Variants in MFAP3 observed in about 807,000 individuals in gnomAD.
The protein encoded by MFAP3 is microfibril-associated glycoprotein 3.
In MFAP3, 8 loss-of-function variants were observed where a neutral mutation model predicts 20.5. That is an observed-to-expected ratio of 0.39 (90% CI 0.23 to 0.70). The LOEUF is 0.70. Ranked by LOEUF, MFAP3 falls within the 30% of genes least tolerant of loss-of-function variation. MFAP3 has a pLI of 0.44. For missense variants in MFAP3, 398 were observed against 444.6 expected (o/e 0.90, Z 0.94); for synonymous variants, 140 against 154.0 (o/e 0.91, Z 0.67).
rs186178174 is a variant in MFAP3, at chr5:154,057,422, G to A, written c.*3709G>A. 3.9e-5 allele frequency among the ~76,000 whole-genome samples: 6 copies of A among 151,968 alleles called. No homozygotes were observed. The highest frequency in any genetic ancestry group is 5.9e-5 in the Non-Finnish European group (4 of 68,018). Reference sequence around the variant, plus strand: ...CATACTTGAATATAATTTATTAAACGTTCAATGGAGTATATAGTCTATTTG... The same window carrying A: ...CATACTTGAATATAATTTATTAAACATTCAATGGAGTATATAGTCTATTTG... On this transcript the variant is annotated 3_prime_UTR_variant, in exon 3 of 3. Transcript: ENST00000522782.
In MFAP3 at chr5:154,053,130, G is replaced by A. The variant is rs138462596; in HGVS notation, c.506G>A (p.Arg169Gln). The A allele has an allele frequency of 9.9e-6, 16 of 1,613,782 alleles. No individual in the cohort carries two copies. In the East Asian group the frequency reaches 1.6e-4, roughly 16 times the overall value. The change falls in exon 3 of 3, where the codon CGG (arginine) becomes CAG (glutamine). Residue 169 changes from arginine (R) to glutamine (Q), a missense_variant. By Grantham distance (43) the Arg-to-Gln change is conservative (BLOSUM62 1). Coordinates refer to ENST00000522782, the MANE Select transcript of MFAP3 (RefSeq NM_005927.5). Reference protein sequence around the residue: ...FTITLILNVTRLCMMSSHLRK... With the variant: ...FTITLILNVTQLCMMSSHLRK... ...ATCACACTCATCTTGAATGTCACACGGCTGTGCATGATGAGCAGCCATCTT... is the reference window on the plus strand; with the variant it reads ...ATCACACTCATCTTGAATGTCACACAGCTGTGCATGATGAGCAGCCATCTT...
rs545780539 is a variant in MFAP3 at position 154,049,870 on chromosome 5, C to T, written c.148C>T (p.Leu50Phe). 1 of 1,613,684 alleles carries T rather than the reference C, an allele frequency of 6.2e-7. No homozygotes were observed. Among genetic ancestry groups the T allele is most frequent in the Admixed American group, 1.7e-5 (1 of 59,966 alleles). ...TGCATCCTTTCCCTCAAGCTTTGAA[C>T]TCTCAGCAAGTTCCCACTCGGATGA... ...YNASFPSSFE[L>F]SASSHSDDDV... The change falls in exon 2 of 3, where the codon CTC becomes TTC. Residue 50 changes from leucine to phenylalanine, a missense_variant. Leu to Phe is a conservative substitution (Grantham distance 22, BLOSUM62 0). Transcript: ENST00000522782.
Position 154,053,885 on chromosome 5 carries a change from C to T in MFAP3, c.*172C>T, listed in dbSNP as rs1257195159. ...GTCTTCATTAGAAGGCAGCATTTTT[C>T]CTCTCTGATACTTTTCAGTCATTTT... On this transcript the variant is annotated 3_prime_UTR_variant, in exon 3 of 3. Transcript: ENST00000522782. 9.9e-6 allele frequency: 6 copies of T among 603,546 alleles called. No individual in the cohort carries two copies. Among genetic ancestry groups the T allele is most frequent in the Non-Finnish European group, 1.8e-5 (6 of 338,116 alleles). The allele number at this position is 603,546 out of a possible 1,614,324, so 37.4% of individuals were successfully genotyped here.
chr5:154,043,744 T>TATATA (rs1439381326), intron 1 of MFAP3, among the ~76,000 whole-genome samples: 2 of 100,512 alleles, frequency 2.0e-5, no homozygotes, highest in South Asian at 3.7e-4. Context: ...ATATATATAT[T>TATATA]TTTTTTTCCA....
chr5:154,050,298 G>A (rs1384471602), intron 2 of MFAP3, among the ~76,000 whole-genome samples: 1 of 152,130 alleles, frequency 6.6e-6, no homozygotes, highest in Non-Finnish European at 1.5e-5. Flanking sequence ...TTCATTGAAG[G>A]TAGAGTAAAT....
chr5:154,053,734 T>A lies in MFAP3; in HGVS notation c.*21T>A. ...TGTAACCTACAATGCTGTAACCCAG[T>A]ACCTACAAAATCAGCTCGCTCTCAG... On this transcript the variant is annotated 3_prime_UTR_variant, in exon 3 of 3. Transcript: ENST00000522782. 1 of 1,564,128 alleles carries A rather than the reference T, an allele frequency of 6.4e-7. No individual in the cohort carries two copies. Among genetic ancestry groups the A allele is most frequent in the East Asian group, 2.3e-5 (1 of 44,262 alleles).
intron 1 of MFAP3, among the ~76,000 whole-genome samples, chr5:154,044,623 G>A (rs990723025): frequency 3.9e-5 from 6 of 152,212 alleles, no homozygotes; most frequent in African/African-American, 1.4e-4. Context: ...CCTAAGAGCA[G>A]TTTAAGGGAG....
chr5:154,051,891 A>C (rs1297135551), intron 2 of MFAP3: 1 of 152,148 alleles, frequency 6.6e-6, no homozygotes, highest in Non-Finnish European at 1.5e-5. Flanking sequence ...GCAGTCCGCT[A>C]ACCTCCTCTG....
At chr5:154,043,276 G>A (rs573999822) in intron 1 of MFAP3, among the ~76,000 whole-genome samples, 3 of 152,062 alleles carry the variant, frequency 2.0e-5, no homozygotes, top group East Asian at 1.9e-4. Flanking sequence ...TAGGCTGGGC[G>A]CGGTGGCTCA....
intron 1 of MFAP3, among the ~76,000 whole-genome samples, chr5:154,040,766 T>C (rs905438041): frequency 2.0e-5 from 3 of 152,184 alleles, no homozygotes; most frequent in Non-Finnish European, 4.4e-5. Flanking sequence ...TAATTTGATA[T>C]AAATGGTCTG....
At position 154,053,486 on chromosome 5, in the gene MFAP3, C is replaced by T; in HGVS notation, c.862C>T (p.Pro288Ser). The T allele has an allele frequency of 6.2e-7, 1 of 1,613,674 alleles. No individual in the cohort carries two copies. Among genetic ancestry groups the T allele is most frequent in the Non-Finnish European group, 8.5e-7 (1 of 1,179,880 alleles). Reference protein sequence around the residue: ...NAQGGIYVINPEMGRSNSPGG... With the variant: ...NAQGGIYVINSEMGRSNSPGG... Reference sequence around the variant, plus strand: ...TCAAGGTGGCATCTATGTCATTAACCCAGAGATGGGACGGAGTAATTCACC... The same window carrying T: ...TCAAGGTGGCATCTATGTCATTAACTCAGAGATGGGACGGAGTAATTCACC... The change falls in exon 3 of 3, where the codon CCA (proline) becomes TCA (serine). Residue 288 changes from proline to serine, a missense_variant. By Grantham distance (74) the Pro-to-Ser change is moderately conservative (BLOSUM62 -1). Coordinates refer to ENST00000522782, the MANE Select transcript of MFAP3 (RefSeq NM_005927.5).
rs559998417 is a variant in MFAP3 at position 154,055,712 on chromosome 5, C to G, written c.*1999C>G. ...CCTCCAACTCCTGGGGTCAAGCGAT[C>G]GTCCTGCTTCAGCCTCCCAAGCAGC... is the stretch of plus-strand genomic sequence containing the variant. On this transcript the variant is annotated 3_prime_UTR_variant, in exon 3 of 3. Transcript: ENST00000522782. 1.3e-5 allele frequency among the ~76,000 whole-genome samples: 2 copies of G among 152,186 alleles called. No individual in the cohort carries two copies. The highest frequency in any genetic ancestry group is 1.3e-4 in the Admixed American group (2 of 15,284).
chr5:154,040,864 C>G (rs544890749), intron 1 of MFAP3, among the ~76,000 whole-genome samples: 1 of 152,162 alleles, frequency 6.6e-6, no homozygotes, highest in Non-Finnish European at 1.5e-5. Context: ...CTTATCTTCA[C>G]CTCTCTCCAT....
chr5:154,041,055 C>T (rs1043872720), intron 1 of MFAP3, among the ~76,000 whole-genome samples: 2 of 151,416 alleles, frequency 1.3e-5, no homozygotes, highest in African/African-American at 2.4e-5. Context: ...GTCTTTTGAA[C>T]GGATAACTAA....
rs576382743 is a variant in MFAP3 at position 154,053,561 on chromosome 5, G to C, written c.937G>C (p.Ala313Pro). Reference sequence around the variant, plus strand: ...TCTGAATGAACAAGGCCAGGAAATAGCAGTTCAGGTTTCTGTCCACCTTCA... The same window carrying C: ...TCTGAATGAACAAGGCCAGGAAATACCAGTTCAGGTTTCTGTCCACCTTCA... ...GSLNEQGQEI[A>P]VQVSVHLQSE... The change falls in exon 3 of 3, where the codon GCA becomes CCA. Residue 313 changes from alanine (A) to proline (P), a missense_variant. Physicochemically the swap from Ala to Pro is conservative, Grantham distance 27. Transcript: ENST00000522782. 6.2e-7 allele frequency: 1 copy of C among 1,613,912 alleles called. No homozygotes were observed. The highest frequency in any genetic ancestry group is 1.7e-5 in the Admixed American group (1 of 59,986).
chr5:154,053,679 A>G lies in MFAP3; in HGVS notation c.1055A>G (p.Tyr352Cys), dbSNP rs188465005. 1 of 1,613,314 alleles carries G rather than the reference A, an allele frequency of 6.2e-7. No individual in the cohort carries two copies. The highest frequency in any genetic ancestry group is 8.5e-7 in the Non-Finnish European group (1 of 1,179,428). The change falls in exon 3 of 3, where the codon TAC becomes TGC. Residue 352 changes from tyrosine (Y) to cysteine (C), a missense_variant. Tyr to Cys is a radical substitution (Grantham distance 194). Coordinates refer to ENST00000522782, the MANE Select transcript of MFAP3 (RefSeq NM_005927.5). ...DIGSAESNCNYKDGAYENCQL is the reference protein window; with the variant it reads ...DIGSAESNCNCKDGAYENCQL ...GGATCTGCAGAATCTAACTGTAACT[A>G]CAAAGATGGGGCATATGAAAACTGT...
In MFAP3 at chr5:154,053,234, A is replaced by G. The variant is rs1446595283; in HGVS notation, c.610A>G (p.Lys204Glu). The change falls in exon 3 of 3, where the codon AAA becomes GAA. Residue 204 changes from lysine (K) to glutamate (E), a missense_variant. Physicochemically the swap from Lys to Glu is moderately conservative, Grantham distance 56. Coordinates refer to ENST00000522782, the MANE Select transcript of MFAP3 (RefSeq NM_005927.5). ...EKLQKAFEIA[K>E]RIPIITSAKT... The stretch of plus-strand genomic sequence containing the variant: ...ACTTCAGAAGGCCTTTGAGATTGCA[A>G]AACGTATCCCCATCATTACCTCAGC... The G allele has an allele frequency of 6.2e-7, 1 of 1,613,874 alleles. No individual in the cohort carries two copies. Among genetic ancestry groups the G allele is most frequent in the East Asian group, 2.2e-5 (1 of 44,892 alleles).
At chr5:154,046,032 G>A (rs543787816) in intron 1 of MFAP3, among the ~76,000 whole-genome samples, 8 of 152,242 alleles carry the variant, frequency 5.3e-5, no homozygotes, top group Admixed American at 3.3e-4. Context: ...ATTCCAAGGC[G>A]CAAACACAGA....
Position 154,056,781 on chromosome 5 carries a change from C to G in MFAP3, c.*3068C>G, listed in dbSNP as rs916680729. Among the ~76,000 whole-genome samples, 1 of 152,190 alleles carries G rather than the reference C, an allele frequency of 6.6e-6. No homozygotes were observed. The highest frequency in any genetic ancestry group is 2.4e-5 in the African/African-American group (1 of 41,440). On this transcript the variant is annotated 3_prime_UTR_variant, in exon 3 of 3. Coordinates refer to ENST00000522782, the MANE Select transcript of MFAP3 (RefSeq NM_005927.5). Reference sequence around the variant, plus strand: ...AGTTTATAGACTGTTTGATAACTGCCTGTCCTCCAAATTGTGTATGTATAT... The same window carrying G: ...AGTTTATAGACTGTTTGATAACTGCGTGTCCTCCAAATTGTGTATGTATAT...
Sources: allele counts gnomAD v4.1 joint callset (sites outside exome capture counted in the v4.1 genomes callset), GRCh38; gene constraint gnomAD v4.1.1; transcripts MANE v1.5; gene names NCBI Gene and HGNC (gene_info 2026-07-23, HGNC 2026-07-21).